Variants in SHLD1 observed in about 807,000 individuals in gnomAD.
SHLD1 encodes the protein RINN1-REV7-interacting novel NHEJ regulator 3.
Under a neutral mutation model 5.5 loss-of-function variants are expected in SHLD1, and 3 were observed. The observed-to-expected ratio is 0.54, with a 90% CI of 0.25 to 1.40. SHLD1 has a LOEUF of 1.40. Ranked by LOEUF, SHLD1 falls within the 40% of genes most tolerant of loss-of-function variation. The pLI, the probability that SHLD1 is intolerant of heterozygous loss-of-function variation, is 0.15. For synonymous variants in SHLD1, 92 were observed against 94.3 expected (o/e 0.98, Z 0.14); for missense variants, 210 against 244.4 (o/e 0.86, Z 0.94).
chr20:5,780,042 A>C (rs1450957081), intron 2 of SHLD1, among the ~76,000 whole-genome samples: 3 of 135,600 alleles, frequency 2.2e-5, no homozygotes, highest in African/African-American at 5.7e-5. Flanking sequence ...GCAGTGGTGC[A>C]ATCTCAGCTC....
chr20:5,845,126 T>A (rs2087917730), intron 2 of SHLD1, among the ~76,000 whole-genome samples: 1 of 152,134 alleles, frequency 6.6e-6, no homozygotes, highest in Admixed American at 6.5e-5. Flanking sequence ...GCATTCACTA[T>A]TCACTTTGAA....
intron 2 of SHLD1, among the ~76,000 whole-genome samples, chr20:5,857,927 G>A (rs186450814): frequency 5.8e-4 from 88 of 152,142 alleles, no homozygotes; most frequent in Admixed American, 5.2e-3. Context: ...GTGAAACCCC[G>A]TCTCTACTGA....
Position 5,801,168 on chromosome 20 carries a change from C to G in SHLD1, c.178+28125C>G, listed in dbSNP as rs554056639. Among the ~76,000 whole-genome samples the G allele has an allele frequency of 9.8e-4, 149 of 151,892 alleles. 2 individuals carry two copies. Among genetic ancestry groups the G allele is most frequent in the African/African-American group, 3.5e-3 (145 of 41,418 alleles). On this transcript the variant is annotated intron_variant, in intron 2 of 2. Coordinates refer to ENST00000303142, the MANE Select transcript of SHLD1 (RefSeq NM_152504.4). ...TCTTGGCTCACTGCAACCTCCATCT[C>G]CCAGGTTCAAGCCATTCTCCTGCCT... is the stretch of plus-strand genomic sequence containing the variant.
intron 1 of SHLD1, among the ~76,000 whole-genome samples, chr20:5,764,137 A>T (rs59799951): frequency 0.25 from 23,166 of 94,136 alleles, 3,454 homozygotes; most frequent in East Asian, 0.53. Context: ...AAAAAAAAAA[A>T]AAATATATAT....
At chr20:5,843,353 T>C (rs1210199633) in intron 2 of SHLD1, among the ~76,000 whole-genome samples, 1 of 151,538 alleles carries the variant, frequency 6.6e-6, no homozygotes, top group East Asian at 1.9e-4. Flanking sequence ...CAGATATTTC[T>C]TTTTTTTCTC....
At chr20:5,825,421 G>T (rs536198540) in intron 2 of SHLD1, among the ~76,000 whole-genome samples, 14 of 152,310 alleles carry the variant, frequency 9.2e-5, no homozygotes, top group African/African-American at 3.4e-4. Flanking sequence ...TTAACAGCCC[G>T]CAGTGCAAAT....
intron 1 of SHLD1, among the ~76,000 whole-genome samples, chr20:5,764,126 CA>C (rs766327106): frequency 0.35 from 18,191 of 52,390 alleles, 2,510 homozygotes; most frequent in East Asian, 0.58. Context: ...GGCTCTGTCT[CA>C]AAAAAAAAAA....
intron 2 of SHLD1, among the ~76,000 whole-genome samples, chr20:5,779,332 C>T (rs181781904): frequency 5.8e-4 from 89 of 152,262 alleles, no homozygotes; most frequent in Admixed American, 4.2e-3. Context: ...TGGTTTACTC[C>T]GACCTAACCA....
At position 5,753,059 on chromosome 20, in the gene SHLD1, A is replaced by G. The variant is rs141183186; in HGVS notation, c.-5+2580A>G. Reference sequence around the variant, plus strand: ...AGTGATCCACCCGCCTCTGCCTCCCAAAGTGCTGGGATTACAGGCATGAGC... The same window carrying G: ...AGTGATCCACCCGCCTCTGCCTCCCGAAGTGCTGGGATTACAGGCATGAGC... On this transcript the variant is annotated intron_variant, in intron 1 of 2. Transcript: ENST00000303142. Among the ~76,000 whole-genome samples, 1,333 of 152,230 alleles carry G rather than the reference A, an allele frequency of 8.8e-3. 17 individuals are homozygous for G. Among genetic ancestry groups the G allele is most frequent in the African/African-American group, 0.031 (1,277 of 41,546 alleles).
At chr20:5,827,485 A>C (rs2087679933) in intron 2 of SHLD1, among the ~76,000 whole-genome samples, 1 of 152,106 alleles carries the variant, frequency 6.6e-6, no homozygotes, top group South Asian at 2.1e-4. Context: ...TGGCACCCCC[A>C]GTCTGCAGCC....
At chr20:5,814,120 T>G (rs1280294947) in intron 2 of SHLD1, among the ~76,000 whole-genome samples, 1 of 151,734 alleles carries the variant, frequency 6.6e-6, no homozygotes, top group Non-Finnish European at 1.5e-5. Context: ...GCCCGGCTAA[T>G]TTTTGTATTT....
At chr20:5,825,353 A>G (rs1432963276) in intron 2 of SHLD1, among the ~76,000 whole-genome samples, 1 of 152,208 alleles carries the variant, frequency 6.6e-6, no homozygotes, top group African/African-American at 2.4e-5. Context: ...CTGGCTGACC[A>G]CGTTTCTAAG....
At chr20:5,754,687 T>C (rs1387263048) in intron 1 of SHLD1, among the ~76,000 whole-genome samples, 1 of 151,878 alleles carries the variant, frequency 6.6e-6, no homozygotes, top group African/African-American at 2.4e-5. Flanking sequence ...GGGGAGAGGG[T>C]TTCAGGTCAT....
At chr20:5,831,901 A>G (rs1318872506) in intron 2 of SHLD1, among the ~76,000 whole-genome samples, 1 of 152,094 alleles carries the variant, frequency 6.6e-6, no homozygotes, top group African/African-American at 2.4e-5. Context: ...GGCTTTTCCT[A>G]TAATACATGT....
chr20:5,785,749 C>T (rs2038180), intron 2 of SHLD1, among the ~76,000 whole-genome samples: 134,907 of 149,364 alleles, frequency 0.9, 60,979 homozygotes, highest in East Asian at 1. Flanking sequence ...TGAGCCGAGA[C>T]TGTGCCACTG....
At chr20:5,794,301 C>T (rs2046143561) in intron 2 of SHLD1, among the ~76,000 whole-genome samples, 18 of 152,180 alleles carry the variant, frequency 1.2e-4, no homozygotes, top group Admixed American at 1.2e-3. Flanking sequence ...CTGTCATTAC[C>T]ACCACTGCTG....
intron 2 of SHLD1, among the ~76,000 whole-genome samples, chr20:5,860,465 A>G (rs1377429834): frequency 6.6e-6 from 1 of 152,176 alleles, no homozygotes; most frequent in African/African-American, 2.4e-5. Context: ...CTTCTAAAAC[A>G]ATAAAATCAT....
intron 2 of SHLD1, among the ~76,000 whole-genome samples, chr20:5,803,348 T>C (rs2087325830): frequency 6.6e-6 from 1 of 152,086 alleles, no homozygotes; most frequent in African/African-American, 2.4e-5. Context: ...AAAAATTCTT[T>C]TGTAGAGACA....
At chr20:5,832,291 C>G (rs191738615) in intron 2 of SHLD1, among the ~76,000 whole-genome samples, 37 of 152,292 alleles carry the variant, frequency 2.4e-4, no homozygotes, top group Non-Finnish European at 4.1e-4. Flanking sequence ...ACAGACTTCT[C>G]CACATTGTTA....
Sources: gnomAD v4.1 joint callset for allele counts (sites outside exome capture counted in the v4.1 genomes callset) on GRCh38, gnomAD v4.1.1 for gene constraint, MANE v1.5 for transcripts, NCBI Gene and HGNC (gene_info 2026-07-23, HGNC 2026-07-21) for gene names.